Variants in TLL1 observed in about 807,000 individuals in gnomAD.
The protein encoded by TLL1 is tolloid-like protein 1.
Under a neutral mutation model 128.2 loss-of-function variants are expected in TLL1, and 49 were observed. That is an observed-to-expected ratio of 0.38 (90% CI 0.30 to 0.48). TLL1 has a LOEUF of 0.48. Ranked by LOEUF, TLL1 falls within the 20% of genes least tolerant of loss-of-function variation. TLL1 has a pLI of 0.96. For synonymous variants in TLL1, 454 were observed against 418.8 expected, an observed-to-expected ratio of 1.08 and a Z score of -1.03; for missense variants, 1,123 against 1,242.0, an observed-to-expected ratio of 0.90 and a Z score of 1.44.
At chr4:166,015,197 C>G (rs896723943) in intron 8 of TLL1, among the ~76,000 whole-genome samples, 3 of 151,884 alleles carry the variant, frequency 2.0e-5, no homozygotes, top group Admixed American at 2.0e-4. Flanking sequence ...TTCTATGTAC[C>G]TCCAGTATAC....
intron 6 of TLL1, among the ~76,000 whole-genome samples, chr4:166,004,901 A>C (rs1737342857): frequency 6.6e-6 from 1 of 151,696 alleles, no homozygotes; most frequent in Admixed American, 6.6e-5. Flanking sequence ...AAATAAAGAG[A>C]ACTCATTTTC....
At chr4:165,890,569 G>A (rs1044736446) in intron 1 of TLL1, among the ~76,000 whole-genome samples, 11 of 152,180 alleles carry the variant, frequency 7.2e-5, no homozygotes, top group African/African-American at 2.4e-4. Flanking sequence ...AATCAAGGGG[G>A]GCAGTCAAAT....
At chr4:165,907,899 A>G (rs1053339990) in intron 1 of TLL1, among the ~76,000 whole-genome samples, 1 of 152,164 alleles carries the variant, frequency 6.6e-6, no homozygotes, top group Non-Finnish European at 1.5e-5. Context: ...ATATTGAAAT[A>G]CCTGTTCATT....
Position 165,966,972 on chromosome 4 carries a change from C to G in TLL1, c.170-22409C>G, listed in dbSNP as rs138713695. Among the ~76,000 whole-genome samples, 860 of 152,220 alleles carry G rather than the reference C, an allele frequency of 5.6e-3. 4 individuals are homozygous for G. Among genetic ancestry groups the G allele is most frequent in the Non-Finnish European group, 9.2e-3 (626 of 68,010 alleles). On this transcript the variant is annotated intron_variant, in intron 1 of 20. Transcript: ENST00000061240. ...TTCCTAGTCCTAACAGGCCTGGGGGCGCTACAGAAGACCAGGGCTTATTTC... is the reference window on the plus strand; with the variant it reads ...TTCCTAGTCCTAACAGGCCTGGGGGGGCTACAGAAGACCAGGGCTTATTTC...
At chr4:166,057,750 A>C (rs1416978257) in intron 14 of TLL1, among the ~76,000 whole-genome samples, 1 of 152,148 alleles carries the variant, frequency 6.6e-6, no homozygotes, top group South Asian at 2.1e-4. Flanking sequence ...GCCAGAAAGC[A>C]TGTGCAGGGG....
chr4:166,008,115 A>G (rs1737521930), intron 7 of TLL1, 67 bp downstream of exon 7: 1 of 1,154,184 alleles, frequency 8.7e-7, no homozygotes, highest in East Asian at 2.4e-5. Flanking sequence ...TCACAAAGCT[A>G]TGCCTGACAT....
At chr4:166,008,103 C>T (rs1454041668) in intron 7 of TLL1, 55 bp downstream of exon 7, 3 of 1,290,074 alleles carry the variant, frequency 2.3e-6, no homozygotes, top group Non-Finnish European at 3.4e-6. Flanking sequence ...CCATGTGGCT[C>T]CTCACAAAGC....
intron 5 of TLL1, among the ~76,000 whole-genome samples, chr4:165,995,901 T>G (rs1050858057): frequency 1.3e-5 from 2 of 152,138 alleles, no homozygotes; most frequent in Non-Finnish European, 2.9e-5. Context: ...ACATCCAAAG[T>G]TCTGATCACT....
intron 7 of TLL1, 119 bp downstream of exon 7, chr4:166,008,167 A>G: frequency 1.5e-6 from 1 of 664,414 alleles, no homozygotes; most frequent in Non-Finnish European, 2.7e-6. Flanking sequence ...CTCACTGCAG[A>G]AAGTAGAAAA....
At chr4:166,005,756 G>A (rs528622992) in intron 6 of TLL1, among the ~76,000 whole-genome samples, 21 of 151,738 alleles carry the variant, frequency 1.4e-4, no homozygotes, top group Admixed American at 2.6e-4. Flanking sequence ...ATTTAATTAC[G>A]TGGAAAAAAT....
chr4:166,060,959 C>T (rs550060537), intron 15 of TLL1, among the ~76,000 whole-genome samples: 12 of 152,224 alleles, frequency 7.9e-5, no homozygotes, highest in African/African-American at 2.4e-4. Flanking sequence ...TTCTAACTTC[C>T]TTTGCATCCT....
chr4:165,923,738 A>G (rs967840112), intron 1 of TLL1, among the ~76,000 whole-genome samples: 58 of 152,028 alleles, frequency 3.8e-4, no homozygotes, highest in Non-Finnish European at 7.1e-4. Context: ...CCTGGCTGGT[A>G]TACCTGGTTT....
At chr4:165,879,362 C>G (rs566867091) in intron 1 of TLL1, among the ~76,000 whole-genome samples, 8 of 152,224 alleles carry the variant, frequency 5.3e-5, no homozygotes, top group African/African-American at 1.9e-4. Context: ...GCAAATTTCT[C>G]TCATGTGAAA....
intron 1 of TLL1, among the ~76,000 whole-genome samples, chr4:165,975,869 C>T (rs557317789): frequency 6.6e-6 from 1 of 151,854 alleles, no homozygotes; most frequent in South Asian, 2.1e-4. Context: ...GAAACCCCGT[C>T]TCTACTAAAA....
intron 12 of TLL1, among the ~76,000 whole-genome samples, chr4:166,054,488 A>C (rs935269016): frequency 6.6e-6 from 1 of 152,076 alleles, no homozygotes; most frequent in African/African-American, 2.4e-5. Flanking sequence ...ATATGTATAC[A>C]TGTGCCATGC....
intron 8 of TLL1, among the ~76,000 whole-genome samples, chr4:166,022,392 T>C (rs992118674): frequency 6.6e-6 from 1 of 152,200 alleles, no homozygotes; most frequent in Non-Finnish European, 1.5e-5. Context: ...CTGGAACTCC[T>C]GACCTCAGGT....
At chr4:165,881,328 T>C (rs889231378) in intron 1 of TLL1, among the ~76,000 whole-genome samples, 5 of 152,240 alleles carry the variant, frequency 3.3e-5, no homozygotes, top group African/African-American at 1.2e-4. Flanking sequence ...GAGCCTCCTG[T>C]CTTCACCATA....
intron 1 of TLL1, among the ~76,000 whole-genome samples, chr4:165,922,642 C>G (rs1055059802): frequency 6.6e-6 from 1 of 152,180 alleles, no homozygotes; most frequent in Non-Finnish European, 1.5e-5. Flanking sequence ...GTAATATCAA[C>G]TCAAAGAAGA....
intron 1 of TLL1, among the ~76,000 whole-genome samples, chr4:165,890,505 C>T (rs760061202): frequency 4.8e-4 from 73 of 152,204 alleles, no homozygotes; most frequent in Non-Finnish European, 1.2e-4. Context: ...ACACCACTTC[C>T]AAATGGGAGA....
Sources: allele counts gnomAD v4.1 joint callset (sites outside exome capture counted in the v4.1 genomes callset), GRCh38; gene constraint gnomAD v4.1.1; transcripts MANE v1.5; gene names NCBI Gene and HGNC (gene_info 2026-07-23, HGNC 2026-07-21).